SLC26A4: variants seen among roughly 807,000 people sequenced by gnomAD.
The protein encoded by SLC26A4 is solute carrier family 26 member 4, also known as pendrin.
In SLC26A4, 93 loss-of-function variants were observed where a neutral mutation model predicts 90.4. The ratio of observed to expected loss-of-function variants is 1.03; its 90% CI spans 0.87 to 1.22. The LOEUF (loss-of-function observed/expected upper bound fraction) is 1.22, where lower values mean the gene tolerates loss of function less well. SLC26A4 is among the 50% of genes most tolerant of loss of function. The pLI is 0.00. For missense variants in SLC26A4, 1,127 were observed against 946.2 expected, an observed-to-expected ratio of 1.19 and a Z score of -2.51; for synonymous variants, 393 against 354.6, an observed-to-expected ratio of 1.11 and a Z score of -1.22.
In SLC26A4 at chr7:107,709,338, C is replaced by G. The variant is rs150847287; in HGVS notation, c.2090-716C>G. ...CCCAGGCTGGAGTGCAGTGGTGCAA[C>G]TGTGGCTCACTGCAGCCTCAAACTC... On this transcript the variant is annotated intron_variant, in intron 18 of 20. Coordinates refer to ENST00000644269, the MANE Select transcript of SLC26A4 (RefSeq NM_000441.2). 6.8e-3 allele frequency among the ~76,000 whole-genome samples: 1,035 copies of G among 152,330 alleles called. 6 individuals are homozygous for G. Among genetic ancestry groups the G allele is most frequent in the Non-Finnish European group, 0.01 (704 of 68,012 alleles).
At chr7:107,691,776 TA>T (rs1313366363) in intron 10 of SLC26A4, 41 of 1,035,136 alleles carry the variant, frequency 4.0e-5, no homozygotes, top group Non-Finnish European at 4.6e-5. Flanking sequence ...CTTAATTTTT[TA>T]TTTTTTTTGC....
chr7:107,668,645 C>G (rs1046765993), intron 3 of SLC26A4, among the ~76,000 whole-genome samples: 1 of 152,086 alleles, frequency 6.6e-6, no homozygotes, highest in Non-Finnish European at 1.5e-5. Context: ...TCGATGCAAC[C>G]CTTGTAGTGC....
chr7:107,682,914 G>A (rs1020613923), intron 6 of SLC26A4, among the ~76,000 whole-genome samples: 1 of 152,000 alleles, frequency 6.6e-6, no homozygotes, highest in Admixed American at 6.6e-5. Context: ...AAAATACAGA[G>A]AAGCAAAAAT....
At chr7:107,671,165 T>C (rs1790856569) in intron 3 of SLC26A4, among the ~76,000 whole-genome samples, 1 of 152,138 alleles carries the variant, frequency 6.6e-6, no homozygotes, top group South Asian at 2.1e-4. Flanking sequence ...ACCAAAACTT[T>C]TTTTTTTCTT....
At chr7:107,696,498 T>C (rs748320914) in intron 13 of SLC26A4, among the ~76,000 whole-genome samples, 2 of 152,208 alleles carry the variant, frequency 1.3e-5, no homozygotes, top group Non-Finnish European at 2.9e-5. Context: ...AGCTGTTATA[T>C]ATTATAGTTC....
At chr7:107,710,726 C>T (rs914730859) in intron 19 of SLC26A4, among the ~76,000 whole-genome samples, 4 of 152,238 alleles carry the variant, frequency 2.6e-5, no homozygotes, top group African/African-American at 2.4e-5. Context: ...ACAACAGTAG[C>T]GCATCTGGCT....
At position 107,696,055 on chromosome 7, in the gene SLC26A4, C is replaced by A. The variant is rs535376823; in HGVS notation, c.1544+16C>A. On this transcript the variant is annotated intron_variant, in intron 13 of 20. Coordinates refer to ENST00000644269, the MANE Select transcript of SLC26A4 (RefSeq NM_000441.2). ...GAGTTCAGTTGTGAGTAACGTAAAA[C>A]CCAGATTTCCTATAAACAGAACAAC... 37 of 1,356,400 alleles carry A rather than the reference C, an allele frequency of 2.7e-5. No individual in the cohort carries two copies. Among genetic ancestry groups the A allele is most frequent in the Non-Finnish European group, 3.9e-5 (37 of 944,896 alleles). The allele number at this position is 1,356,400 out of a possible 1,614,324, so 84.0% of individuals were successfully genotyped here. A position where few individuals can be genotyped will look rare whatever the true frequency, so the allele number is the denominator to read the frequency against.
At chr7:107,710,502 A>G (rs892378511) in intron 19 of SLC26A4, among the ~76,000 whole-genome samples, 10 of 152,218 alleles carry the variant, frequency 6.6e-5, no homozygotes, top group African/African-American at 2.4e-4. Context: ...AAGAATATTG[A>G]ATCTTGGATC....
chr7:107,713,078 A>G (rs1488696314), intron 20 of SLC26A4, among the ~76,000 whole-genome samples: 1 of 152,226 alleles, frequency 6.6e-6, no homozygotes, highest in Non-Finnish European at 1.5e-5. Context: ...GATTCTGTGT[A>G]TTTCAGATGC....
intron 6 of SLC26A4, among the ~76,000 whole-genome samples, chr7:107,676,440 A>G (rs1201403364): frequency 6.6e-6 from 1 of 152,266 alleles, no homozygotes; most frequent in East Asian, 1.9e-4. Context: ...GAAAAGGAAC[A>G]TTAGATTCAG....
chr7:107,672,364 A>AAAAG (rs1296348951), intron 4 of SLC26A4, 116 bp downstream of exon 4: 412 of 303,208 alleles, frequency 1.4e-3, no homozygotes, highest in South Asian at 7.5e-3. Context: ...TTTCACAATT[A>AAAAG]TACTTTTAAT....
chr7:107,682,454 T>TA (rs942982352), intron 6 of SLC26A4, among the ~76,000 whole-genome samples: 18 of 152,136 alleles, frequency 1.2e-4, no homozygotes, highest in South Asian at 8.3e-4. Context: ...TGTTTTAATT[T>TA]AAAAAAAAGT....
At chr7:107,699,375 CAGATG>C (rs1791824894) in intron 14 of SLC26A4, among the ~76,000 whole-genome samples, 1 of 152,158 alleles carries the variant, frequency 6.6e-6, no homozygotes, top group Admixed American at 6.6e-5. Flanking sequence ...AGGGTGAGAA[CAGATG>C]ATATCATAGG....
chr7:107,678,145 C>A (rs1407617488), intron 6 of SLC26A4, among the ~76,000 whole-genome samples: 1 of 152,126 alleles, frequency 6.6e-6, no homozygotes, highest in East Asian at 1.9e-4. Context: ...TTTTGCAGCT[C>A]CTGGCACATC....
In SLC26A4 at chr7:107,702,430, G is replaced by A. The variant is rs146948652; in HGVS notation, c.2034+373G>A. ...GTTCAGGCTGGGCATGGTGGCTCAC[G>A]CCTGTAATCCCAGCACTTCGGGAGG... is the stretch of plus-strand genomic sequence containing the variant. On this transcript the variant is annotated intron_variant, in intron 17 of 20. Coordinates refer to ENST00000644269, the MANE Select transcript of SLC26A4 (RefSeq NM_000441.2). Among the ~76,000 whole-genome samples, 1,306 of 152,128 alleles carry A rather than the reference G, an allele frequency of 8.6e-3. 13 individuals are homozygous for A. Among genetic ancestry groups the A allele is most frequent in the African/African-American group, 0.029 (1,215 of 41,496 alleles).
At chr7:107,663,559 C>T in intron 3 of SLC26A4, 124 bp downstream of exon 3, 2 of 1,062,690 alleles carry the variant, frequency 1.9e-6, no homozygotes, top group Non-Finnish European at 2.9e-6. Flanking sequence ...CTGTAGAGCC[C>T]CTTAGTGGAG....
At chr7:107,703,628 A>G (rs1275892854) in intron 17 of SLC26A4, among the ~76,000 whole-genome samples, 2 of 152,220 alleles carry the variant, frequency 1.3e-5, no homozygotes, top group Non-Finnish European at 2.9e-5. Context: ...ATTTAATGCC[A>G]GAATATTTCC....
At position 107,700,102 on chromosome 7, in the gene SLC26A4, T is replaced by C; in HGVS notation, c.1634T>C (p.Val545Ala). 1 of 1,576,146 alleles carries C rather than the reference T, an allele frequency of 6.3e-7. No individual in the cohort carries two copies. Among genetic ancestry groups the C allele is most frequent in the Non-Finnish European group, 8.7e-7 (1 of 1,145,622 alleles). The change falls in exon 15 of 21, where the codon GTG becomes GCG. Residue 545 changes from valine (V) to alanine (A), a missense_variant. Transcript: ENST00000644269. Reference sequence around the variant, plus strand: ...TGCCAGATTGAAGAACCTCAAGGAGTGAAGATTCTTAGATTTTCCAGTCCT... The same window carrying C: ...TGCCAGATTGAAGAACCTCAAGGAGCGAAGATTCTTAGATTTTCCAGTCCT... ...NYKNIEEPQG[V>A]KILRFSSPIF...
intron 18 of SLC26A4, among the ~76,000 whole-genome samples, chr7:107,707,593 C>G (rs1045748771): frequency 6.6e-6 from 1 of 152,170 alleles, no homozygotes; most frequent in Non-Finnish European, 1.5e-5. Flanking sequence ...TGGCACACAA[C>G]AATTTAAAAT....
Sources: allele counts gnomAD v4.1 joint callset (sites outside exome capture counted in the v4.1 genomes callset), GRCh38; gene constraint gnomAD v4.1.1; transcripts MANE v1.5; gene names NCBI Gene and HGNC (gene_info 2026-07-23, HGNC 2026-07-21).